The following RCHY1 variants were observed in gnomAD, a reference collection of about 807,000 sequenced individuals.
The protein encoded by RCHY1 is RING finger and CHY zinc finger domain-containing protein 1.
Under a neutral mutation model 41.6 loss-of-function variants are expected in RCHY1, and 21 were observed. That is an observed-to-expected ratio of 0.51 (90% CI 0.36 to 0.73). The LOEUF (loss-of-function observed/expected upper bound fraction) is 0.73. Among genes scored for constraint, RCHY1 ranks in the 30% least tolerant of loss-of-function variants. The pLI is 0.00. For missense variants in RCHY1, 265 were observed against 325.3 expected (o/e 0.81, Z 1.43); for synonymous variants, 79 against 102.9 (o/e 0.77, Z 1.41).
At position 75,481,161 on chromosome 4, in the gene RCHY1, G is replaced by A. The variant is rs963412155; in HGVS notation, c.*1377C>T. ...GTGGAATACAGAAGACAAGAAGGTGGGATAAAATAAAGATCTGAGTCCCAA... is the reference window on the plus strand; with the variant it reads ...GTGGAATACAGAAGACAAGAAGGTGAGATAAAATAAAGATCTGAGTCCCAA... On this transcript the variant is annotated 3_prime_UTR_variant, in exon 9 of 9. Coordinates refer to ENST00000324439, the MANE Select transcript of RCHY1 (RefSeq NM_015436.4). 6.6e-6 allele frequency: 1 copy of A among 152,076 alleles called. No individual in the cohort carries two copies. Among genetic ancestry groups the A allele is most frequent in the East Asian group, 1.9e-4 (1 of 5,190 alleles). The allele number at this position is 152,076 out of a possible 1,614,324, so 9.4% of individuals were successfully genotyped here.
At chr4:75,507,963 T>C (rs1355824993) in intron 3 of RCHY1, among the ~76,000 whole-genome samples, 2 of 152,108 alleles carry the variant, frequency 1.3e-5, no homozygotes, top group East Asian at 3.8e-4. Context: ...ATGAATGTTG[T>C]GTTTCTTGAT....
Position 75,480,099 on chromosome 4 carries a change from T to C in RCHY1, c.*2439A>G, listed in dbSNP as rs976463959. ...GAGAAGTGTTGAAGGATTTTAATCATCGAGTTGACGTGTCATGAACAAATA... is the reference window on the plus strand; with the variant it reads ...GAGAAGTGTTGAAGGATTTTAATCACCGAGTTGACGTGTCATGAACAAATA... On this transcript the variant is annotated 3_prime_UTR_variant, in exon 9 of 9. Coordinates refer to ENST00000324439, the MANE Select transcript of RCHY1 (RefSeq NM_015436.4). 1 of 152,208 alleles carries C rather than the reference T, an allele frequency of 6.6e-6. No homozygotes were observed. Among genetic ancestry groups the C allele is most frequent in the Non-Finnish European group, 1.5e-5 (1 of 68,042 alleles). The allele number at this position is 152,208 out of a possible 1,614,324, so 9.4% of individuals were successfully genotyped here. A position where few individuals can be genotyped will look rare whatever the true frequency, so the allele number is the denominator to read the frequency against.
At chr4:75,512,915 G>T (rs949525674) in intron 1 of RCHY1, among the ~76,000 whole-genome samples, 6 of 124,722 alleles carry the variant, frequency 4.8e-5, no homozygotes, top group African/African-American at 1.5e-4. Context: ...GGGGGGGGGG[G>T]GCGGGGGAAG....
chr4:75,494,129 A>G lies in RCHY1; in HGVS notation c.377T>C (p.Leu126Pro). 1.3e-6 allele frequency: 2 copies of G among 1,563,984 alleles called. No homozygotes were observed. Among genetic ancestry groups the G allele is most frequent in the Non-Finnish European group, 1.7e-6 (2 of 1,160,854 alleles). Reference sequence around the variant, plus strand: ...GTGTCTTCCTTGAAGATTCATAGCTAGGCATAAGTTACATTTCAAACAATG... The same window carrying G: ...GTGTCTTCCTTGAAGATTCATAGCTGGGCATAAGTTACATTTCAAACAATG... ...FFHCLKCNLC[L>P]AMNLQGRHKC... Residue 126 changes from leucine (L) to proline (P), a missense_variant, in exon 4 of 9, where the codon CTA becomes CCA. Transcript: ENST00000324439.
intron 2 of RCHY1, 109 bp from the exon 3 acceptor site, chr4:75,509,044 G>T: frequency 8.5e-7 from 1 of 1,169,942 alleles, no homozygotes; most frequent in Non-Finnish European, 1.2e-6. Context: ...TATAAGTTTT[G>T]AAACACCTAA....
At chr4:75,505,983 T>TA (rs1193576488) in intron 3 of RCHY1, among the ~76,000 whole-genome samples, 1 of 151,760 alleles carries the variant, frequency 6.6e-6, no homozygotes, top group Non-Finnish European at 1.5e-5. Flanking sequence ...ACTCCTATGC[T>TA]AGGGGGCCAA....
At chr4:75,501,008 T>C (rs1230836380) in intron 3 of RCHY1, among the ~76,000 whole-genome samples, 1 of 152,110 alleles carries the variant, frequency 6.6e-6, no homozygotes, top group African/African-American at 2.4e-5. Context: ...CTATATACAA[T>C]AAAATATGTA....
chr4:75,507,089 C>A (rs1010494181), intron 3 of RCHY1, among the ~76,000 whole-genome samples: 5 of 151,736 alleles, frequency 3.3e-5, no homozygotes, highest in African/African-American at 1.2e-4. Context: ...ACAAAAAAAA[C>A]TGAGAGAATG....
chr4:75,498,362 G>A (rs993341075), intron 3 of RCHY1, among the ~76,000 whole-genome samples: 1 of 151,496 alleles, frequency 6.6e-6, no homozygotes, highest in African/African-American at 2.4e-5. Flanking sequence ...ACAATCTGAT[G>A]GCTTCACTGC....
chr4:75,506,103 G>GA (rs5859466), intron 3 of RCHY1, among the ~76,000 whole-genome samples: 48,779 of 92,386 alleles, frequency 0.53, 9,783 homozygotes, highest in African/African-American at 0.57. Flanking sequence ...ATAAAGGGAG[G>GA]AAAAAAAAAA....
At chr4:75,483,147 A>G (rs1721663116) in intron 8 of RCHY1, among the ~76,000 whole-genome samples, 1 of 152,212 alleles carries the variant, frequency 6.6e-6, no homozygotes, top group South Asian at 2.1e-4. Context: ...AATTCCAAAA[A>G]GAGTGTTCCT....
intron 1 of RCHY1, among the ~76,000 whole-genome samples, chr4:75,510,006 C>A (rs1724719425): frequency 6.6e-6 from 1 of 152,172 alleles, no homozygotes; most frequent in Non-Finnish European, 1.5e-5. Context: ...CAGATAAATT[C>A]ATTTACATTA....
intron 1 of RCHY1, among the ~76,000 whole-genome samples, chr4:75,512,507 C>A (rs762333928): frequency 2.0e-5 from 3 of 152,256 alleles, no homozygotes; most frequent in Middle Eastern, 3.4e-3. Flanking sequence ...AGGGACAATG[C>A]CCTTACAGTT....
intron 4 of RCHY1, among the ~76,000 whole-genome samples, chr4:75,492,167 C>A (rs966369282): frequency 6.6e-6 from 1 of 151,792 alleles, no homozygotes; most frequent in African/African-American, 2.4e-5. Context: ...ATTGAGATTA[C>A]CTTCATTTCA....
intron 1 of RCHY1, among the ~76,000 whole-genome samples, chr4:75,510,647 C>T (rs1724774401): frequency 6.6e-6 from 1 of 152,168 alleles, no homozygotes; most frequent in Admixed American, 6.5e-5. Context: ...ATGGTTTGGT[C>T]TCAGGATCCC....
intron 8 of RCHY1, among the ~76,000 whole-genome samples, chr4:75,487,591 TA>T (rs1722205969): frequency 2.5e-5 from 2 of 80,512 alleles, no homozygotes; most frequent in Admixed American, 1.8e-4. Context: ...TATATATTCA[TA>T]ATATATATTC....
At chr4:75,483,809 G>A (rs996517835) in intron 8 of RCHY1, among the ~76,000 whole-genome samples, 1 of 152,072 alleles carries the variant, frequency 6.6e-6, no homozygotes, top group Non-Finnish European at 1.5e-5. Context: ...CTCGTATGCT[G>A]AAGTATCTGA....
chr4:75,503,874 TGGACAAAC>T (rs1724043048), intron 3 of RCHY1, among the ~76,000 whole-genome samples: 1 of 152,074 alleles, frequency 6.6e-6, no homozygotes, highest in Non-Finnish European at 1.5e-5. Flanking sequence ...GGTTCATAAG[TGGACAAAC>T]GTTGAAGGCA....
At chr4:75,496,588 A>C (rs1400558272) in intron 3 of RCHY1, among the ~76,000 whole-genome samples, 1 of 152,144 alleles carries the variant, frequency 6.6e-6, no homozygotes, top group Admixed American at 6.6e-5. Context: ...CAGACTGGGG[A>C]AACTCATAAT....
Sources: gnomAD v4.1 joint callset for allele counts (sites outside exome capture counted in the v4.1 genomes callset) on GRCh38, gnomAD v4.1.1 for gene constraint, MANE v1.5 for transcripts, NCBI Gene and HGNC (gene_info 2026-07-23, HGNC 2026-07-21) for gene names.